The following GBE1 variants were observed in gnomAD, a reference collection of about 807,000 sequenced individuals.
GBE1 encodes 1,4-alpha-glucan-branching enzyme.
In GBE1, 70 loss-of-function variants were observed where a neutral mutation model predicts 88.8. The observed-to-expected ratio is 0.79, with a 90% CI of 0.65 to 0.96. The LOEUF (loss-of-function observed/expected upper bound fraction) is 0.96, where lower values mean the gene tolerates loss of function less well. Among genes scored for constraint, GBE1 ranks in the 40% least tolerant of loss-of-function variants. The probability of loss-of-function intolerance (pLI) is 0.00; values close to 1 mark genes in which losing one functional copy is unlikely to be tolerated. For missense variants in GBE1, 872 were observed against 871.0 expected, an observed-to-expected ratio of 1.00 and a Z score of -0.01; for synonymous variants, 284 against 300.1, an observed-to-expected ratio of 0.95 and a Z score of 0.56.
chr3:81,699,480 T>C (rs1194037435), intron 2 of GBE1, among the ~76,000 whole-genome samples: 1 of 152,124 alleles, frequency 6.6e-6, no homozygotes, highest in African/African-American at 2.4e-5. Flanking sequence ...ACTAATAGGA[T>C]AGATATATAA....
Position 81,501,686 on chromosome 3 carries a change from C to CTTTTTTTTTTT in GBE1, c.1935-2470_1935-2460dup, listed in dbSNP as rs35149061. On this transcript the variant is annotated intron_variant, in intron 14 of 15. Coordinates refer to ENST00000429644, the MANE Select transcript of GBE1 (RefSeq NM_000158.4). ...GAATTCCCTCATTTACTTAGGGGCA[C>CTTTTTTTTTTT]TTTTTTTTTTTTTTTTTTTTTTTTT... 2.9e-4 allele frequency among the ~76,000 whole-genome samples: 21 copies of CTTTTTTTTTTT among 71,996 alleles called. 4 individuals are homozygous for CTTTTTTTTTTT. The highest frequency in any genetic ancestry group is 1.2e-3 in the East Asian group (3 of 2,454). The allele number at this position is 71,996 out of a possible 152,430, so 47.2% of individuals were successfully genotyped here. A position where few individuals can be genotyped will look rare whatever the true frequency, so the allele number is the denominator to read the frequency against.
intron 3 of GBE1, among the ~76,000 whole-genome samples, chr3:81,655,593 T>G (rs1431579842): frequency 1.3e-5 from 2 of 152,144 alleles, no homozygotes; most frequent in Non-Finnish European, 2.9e-5. Context: ...CTCCACTCAC[T>G]GCAACCTCCA....
At chr3:81,687,938 T>C (rs920575597) in intron 2 of GBE1, among the ~76,000 whole-genome samples, 5 of 152,194 alleles carry the variant, frequency 3.3e-5, no homozygotes, top group Non-Finnish European at 7.3e-5. Context: ...TTATACCTTT[T>C]ACACAATAAA....
intron 1 of GBE1, among the ~76,000 whole-genome samples, chr3:81,713,543 C>G (rs1228091503): frequency 6.6e-6 from 1 of 152,086 alleles, no homozygotes; most frequent in Non-Finnish European, 1.5e-5. Flanking sequence ...TTTTATTAGG[C>G]AGAGTCCATA....
intron 1 of GBE1, among the ~76,000 whole-genome samples, chr3:81,737,303 ATATATATT>A (rs1706271113): frequency 5.1e-5 from 5 of 98,234 alleles, no homozygotes; most frequent in African/African-American, 2.4e-4. Flanking sequence ...ATTTATATAA[ATATATATT>A]TATATATATT....
At chr3:81,607,127 C>T (rs1053582701) in intron 7 of GBE1, among the ~76,000 whole-genome samples, 1 of 152,124 alleles carries the variant, frequency 6.6e-6, no homozygotes, top group African/African-American at 2.4e-5. Flanking sequence ...TTAGACCTCA[C>T]AAAATGATTT....
chr3:81,678,338 A>C (rs367927009), intron 2 of GBE1, among the ~76,000 whole-genome samples: 90 of 152,306 alleles, frequency 5.9e-4, no homozygotes, highest in African/African-American at 2.0e-3. Context: ...AATGTCATGC[A>C]GCATATGACT....
At chr3:81,725,176 A>G (rs560366561) in intron 1 of GBE1, among the ~76,000 whole-genome samples, 1 of 152,352 alleles carries the variant, frequency 6.6e-6, no homozygotes, top group African/African-American at 2.4e-5. Flanking sequence ...TTCTTCAATA[A>G]TAAATTAACC....
At chr3:81,554,102 T>G (rs181716419) in intron 12 of GBE1, among the ~76,000 whole-genome samples, 1 of 152,210 alleles carries the variant, frequency 6.6e-6, no homozygotes, top group South Asian at 2.1e-4. Flanking sequence ...ACCAGTCATT[T>G]TGAGGCCATT....
intron 3 of GBE1, among the ~76,000 whole-genome samples, chr3:81,652,613 ATAAATATCTCTAC>A (rs761534483): frequency 8.5e-5 from 13 of 152,150 alleles, no homozygotes; most frequent in Admixed American, 5.2e-4. Context: ...TTGTTACATA[ATAAATATCTCTAC>A]TCTTTAGGCC....
intron 11 of GBE1, among the ~76,000 whole-genome samples, chr3:81,579,519 T>C (rs1462487855): frequency 2.0e-5 from 3 of 152,156 alleles, no homozygotes; most frequent in Admixed American, 1.3e-4. Context: ...CTTATTTGTT[T>C]ACTCTTTCAT....
intron 10 of GBE1, among the ~76,000 whole-genome samples, chr3:81,584,399 G>A (rs1486363020): frequency 6.6e-6 from 1 of 152,016 alleles, no homozygotes; most frequent in East Asian, 1.9e-4. Context: ...GACATATAGG[G>A]AGAATGGGAG....
At chr3:81,691,183 G>C (rs376341875) in intron 2 of GBE1, among the ~76,000 whole-genome samples, 10 of 151,998 alleles carry the variant, frequency 6.6e-5, no homozygotes, top group Non-Finnish European at 1.2e-4. Flanking sequence ...AATGAATCTC[G>C]ATCTTAAATG....
intron 2 of GBE1, among the ~76,000 whole-genome samples, chr3:81,704,539 C>T (rs1371336906): frequency 6.6e-6 from 1 of 151,978 alleles, no homozygotes; most frequent in African/African-American, 2.4e-5. Context: ...TCTGTCCCCA[C>T]AGTTTTGCTG....
intron 14 of GBE1, among the ~76,000 whole-genome samples, chr3:81,513,572 A>AAAAAAAC (rs1231282877): frequency 6.6e-6 from 1 of 151,682 alleles, no homozygotes; most frequent in African/African-American, 2.4e-5. Flanking sequence ...TTCCCCCAAA[A>AAAAAAAC]AAAAAACAAA....
chr3:81,561,814 G>T (rs1703421806), intron 12 of GBE1, among the ~76,000 whole-genome samples: 1 of 151,986 alleles, frequency 6.6e-6, no homozygotes, highest in South Asian at 2.1e-4. Flanking sequence ...ATCTAAATTA[G>T]TAAGGCCCTC....
intron 2 of GBE1, among the ~76,000 whole-genome samples, chr3:81,697,186 C>G (rs1333181380): frequency 3.3e-5 from 5 of 152,116 alleles, no homozygotes; most frequent in African/African-American, 1.2e-4. Context: ...TGGAGTGGCT[C>G]ACAGAATTCA....
chr3:81,501,799 C>A (rs1222446093), intron 14 of GBE1, among the ~76,000 whole-genome samples: 1 of 143,820 alleles, frequency 7.0e-6, no homozygotes, highest in Non-Finnish European at 1.5e-5. Flanking sequence ...TGGGCTCAAG[C>A]AATTTGTCCC....
intron 14 of GBE1, chr3:81,509,510 AGT>A (rs1702697353): frequency 6.6e-6 from 1 of 151,910 alleles, no homozygotes; most frequent in African/African-American, 2.4e-5. Context: ...GATCAAGTGT[AGT>A]ATCTGTTCTT....
Sources: allele counts gnomAD v4.1 joint callset (sites outside exome capture counted in the v4.1 genomes callset), GRCh38; gene constraint gnomAD v4.1.1; transcripts MANE v1.5; gene names NCBI Gene and HGNC (gene_info 2026-07-23, HGNC 2026-07-21).